MAP4K3: variants seen among roughly 807,000 people sequenced by gnomAD.
The protein encoded by MAP4K3 is mitogen-activated protein kinase kinase kinase kinase 3.
MAP4K3 carries 94 observed loss-of-function variants against 143.5 expected under a neutral mutation model. That is an observed-to-expected ratio of 0.65 (90% confidence interval 0.55 to 0.78). The LOEUF is 0.78. Among genes scored for constraint, MAP4K3 ranks in the 30% least tolerant of loss-of-function variants. The probability of loss-of-function intolerance (pLI) is 0.00; values close to 1 mark genes in which losing one functional copy is unlikely to be tolerated. For missense variants in MAP4K3, 1,077 were observed against 1,068.1 expected, an observed-to-expected ratio of 1.01 and a Z score of -0.12; for synonymous variants, 416 against 347.2, an observed-to-expected ratio of 1.20 and a Z score of -2.20.
intron 1 of MAP4K3, among the ~76,000 whole-genome samples, chr2:39,435,279 G>C (rs1665424281): frequency 6.6e-6 from 1 of 152,076 alleles, no homozygotes; most frequent in Non-Finnish European, 1.5e-5. Flanking sequence ...TAAATCTAAT[G>C]TCACTCCTCT....
chr2:39,434,221 A>G (rs963695053), intron 1 of MAP4K3, among the ~76,000 whole-genome samples: 2 of 152,258 alleles, frequency 1.3e-5, no homozygotes, highest in Admixed American at 1.3e-4. Context: ...TGGCTTTTGA[A>G]AACAAAATGT....
chr2:39,321,966 G>C (rs909049463), intron 12 of MAP4K3, among the ~76,000 whole-genome samples: 5 of 152,184 alleles, frequency 3.3e-5, no homozygotes, highest in African/African-American at 1.2e-4. Context: ...TAAATACTAA[G>C]GGAACTCAGA....
chr2:39,303,820 A>C (rs919513255), intron 15 of MAP4K3, among the ~76,000 whole-genome samples: 2 of 152,212 alleles, frequency 1.3e-5, no homozygotes, highest in African/African-American at 4.8e-5. Flanking sequence ...TATAGGCGTG[A>C]GCTACCACGC....
chr2:39,280,743 T>C (rs1681481116), intron 22 of MAP4K3, among the ~76,000 whole-genome samples: 1 of 152,182 alleles, frequency 6.6e-6, no homozygotes, highest in Non-Finnish European at 1.5e-5. Context: ...GACATTTTTC[T>C]TGTTTGGTTT....
intron 21 of MAP4K3, among the ~76,000 whole-genome samples, chr2:39,286,374 C>T (rs1441565500): frequency 1.3e-5 from 2 of 152,186 alleles, no homozygotes; most frequent in Non-Finnish European, 2.9e-5. Context: ...AGGCCACTGA[C>T]CATTACTGGT....
intron 19 of MAP4K3, 105 bp from the exon 20 acceptor site, chr2:39,288,385 T>C: frequency 1.0e-6 from 1 of 972,670 alleles, no homozygotes; most frequent in Non-Finnish European, 1.5e-6. Context: ...TACTATACAT[T>C]AGAGGTTTAC....
intron 3 of MAP4K3, among the ~76,000 whole-genome samples, chr2:39,354,203 G>C (rs1665540011): frequency 6.6e-6 from 1 of 152,122 alleles, no homozygotes; most frequent in Non-Finnish European, 1.5e-5. Flanking sequence ...CAGCACTTTG[G>C]GAGGCTGAGG....
chr2:39,258,882 G>A (rs1487313396), intron 29 of MAP4K3, among the ~76,000 whole-genome samples: 3 of 152,134 alleles, frequency 2.0e-5, no homozygotes, highest in Non-Finnish European at 4.4e-5. Flanking sequence ...ATCCTATAAT[G>A]CAACTTTTCT....
rs570102611 is a variant in MAP4K3, at chr2:39,296,447, A to G, written c.1179-3179T>C. 2.0e-5 allele frequency among the ~76,000 whole-genome samples: 3 copies of G among 152,364 alleles called. No individual in the cohort carries two copies. The South Asian group carries it at 6.2e-4, about 32-fold the overall frequency. On this transcript the variant is annotated intron_variant, in intron 16 of 33. Transcript: ENST00000263881. ...TGGAAGTTTTATAAAGTAAATAACA[A>G]AACAAAACAAAAACAATGCTTTCAG... is the stretch of plus-strand genomic sequence containing the variant.
chr2:39,257,797 A>C (rs571323721), intron 31 of MAP4K3, among the ~76,000 whole-genome samples: 12 of 108,538 alleles, frequency 1.1e-4, no homozygotes, highest in African/African-American at 4.0e-4. Flanking sequence ...ACTCCATCTC[A>C]AAAAAAAAAA....
chr2:39,258,421 A>T lies in MAP4K3; in HGVS notation c.2397T>A (p.Asn799Lys). ...VCLDCCIKIVNLQGRLKSSRK... is the reference protein window; with the variant it reads ...VCLDCCIKIVKLQGRLKSSRK... ...TGCTAGATTTTAATCTTCCTTGGAG[A>T]TTTACTATTTTTATACAACCTAGAG... is the stretch of plus-strand genomic sequence containing the variant. Residue 799 changes from asparagine to lysine, a missense_variant, in exon 31 of 34, where the codon AAT (asparagine) becomes AAA (lysine). Around this residue, in one of 2 missense-constraint regions of MAP4K3, gnomAD observed 864 missense variants for 801.2 expected, o/e 1.08. Coordinates refer to ENST00000263881, the MANE Select transcript of MAP4K3 (RefSeq NM_003618.4). The T allele has an allele frequency of 6.2e-7, 1 of 1,610,712 alleles. No homozygotes were observed. Among genetic ancestry groups the T allele is most frequent in the Non-Finnish European group, 8.5e-7 (1 of 1,178,036 alleles).
At chr2:39,346,542 G>A (rs919544050) in intron 3 of MAP4K3, among the ~76,000 whole-genome samples, 7 of 152,194 alleles carry the variant, frequency 4.6e-5, no homozygotes, top group Non-Finnish European at 1.0e-4. Flanking sequence ...ATTGCATTAG[G>A]TTTAATCCAC....
chr2:39,277,372 C>T (rs1681309263), intron 24 of MAP4K3, among the ~76,000 whole-genome samples: 1 of 152,230 alleles, frequency 6.6e-6, no homozygotes, highest in Non-Finnish European at 1.5e-5. Flanking sequence ...CTCTACTCAT[C>T]TCCCCACAGG....
intron 24 of MAP4K3, among the ~76,000 whole-genome samples, chr2:39,275,541 C>G (rs1681213146): frequency 6.6e-6 from 1 of 152,132 alleles, no homozygotes; most frequent in Non-Finnish European, 1.5e-5. Context: ...CTTACTCCAC[C>G]TATGCATAAA....
At chr2:39,436,648 G>A (rs1365213804) in intron 1 of MAP4K3, 2 of 540,816 alleles carry the variant, frequency 3.7e-6, no homozygotes. Flanking sequence ...ATGCGCGCAA[G>A]AAGGGAGGTG....
In MAP4K3 at chr2:39,301,509, T is replaced by TCAGAC. The variant is rs552609317; in HGVS notation, c.1120-1713_1120-1709dup. Among the ~76,000 whole-genome samples, 537 of 152,312 alleles carry TCAGAC rather than the reference T, an allele frequency of 3.5e-3. 1 individual carries two copies. Among genetic ancestry groups the TCAGAC allele is most frequent in the Non-Finnish European group, 6.0e-3 (409 of 68,016 alleles). ...CAGCTATAGATAACTGGGCCCTCTA[T>TCAGAC]CAGACCAGCTATATCTTTAGCCAAT... is the stretch of plus-strand genomic sequence containing the variant. On this transcript the variant is annotated intron_variant, in intron 15 of 33. Transcript: ENST00000263881.
chr2:39,329,630 C>T (rs1683617759), intron 8 of MAP4K3, among the ~76,000 whole-genome samples: 1 of 152,112 alleles, frequency 6.6e-6, no homozygotes, highest in Admixed American at 6.6e-5. Flanking sequence ...CCATTAAGCC[C>T]CAGCAACTAT....
chr2:39,422,577 C>A (rs1466570647), intron 1 of MAP4K3, among the ~76,000 whole-genome samples: 3 of 152,096 alleles, frequency 2.0e-5, no homozygotes, highest in Non-Finnish European at 4.4e-5. Context: ...GAAGCTATAG[C>A]AAATTAACAC....
chr2:39,281,872 C>A (rs1387872206), intron 22 of MAP4K3, among the ~76,000 whole-genome samples: 1 of 151,084 alleles, frequency 6.6e-6, no homozygotes, highest in African/African-American at 2.4e-5. Context: ...ATAAAGTATA[C>A]TCTGTGCTAA....
Sources: gnomAD v4.1 joint callset for allele counts (sites outside exome capture counted in the v4.1 genomes callset) on GRCh38, gnomAD v4.1.1 for gene constraint, gnomAD v4.1.1 regional missense constraint, MANE v1.5 for transcripts, NCBI Gene and HGNC (gene_info 2026-07-23, HGNC 2026-07-21) for gene names.